Variants in PPFIA3 observed in about 807,000 individuals in gnomAD.
The protein encoded by PPFIA3 is PPFI scaffold protein A3.
In PPFIA3, 26 loss-of-function variants were observed where a neutral mutation model predicts 145.8. That is an observed-to-expected ratio of 0.18 (90% CI 0.13 to 0.25). The LOEUF is 0.25. Ranked by LOEUF, PPFIA3 falls within the 10% of genes least tolerant of loss-of-function variation. The pLI, the probability that PPFIA3 is intolerant of heterozygous loss-of-function variation, is 1.00. For missense variants in PPFIA3, 1,008 were observed against 1,587.8 expected, an observed-to-expected ratio of 0.63 and a Z score of 6.21; for synonymous variants, 645 against 661.4, an observed-to-expected ratio of 0.98 and a Z score of 0.38.
intron 16 of PPFIA3, 125 bp from the exon 17 acceptor site, chr19:49,139,543 A>G: frequency 1.1e-6 from 1 of 918,746 alleles, no homozygotes; most frequent in Non-Finnish European, 1.5e-6. Flanking sequence ...GAGCTAGACT[A>G]CCTTCGTATA....
chr19:49,133,041 C>A lies in PPFIA3; in HGVS notation c.920C>A (p.Thr307Lys). Residue 307 changes from threonine to lysine, a missense_variant, in exon 8 of 30, where the codon ACA becomes AAA. By Grantham distance (78) the Thr-to-Lys change is moderately conservative. Around this residue, in one of 11 missense-constraint regions of PPFIA3, gnomAD observed 109 missense variants for 198.1 expected, o/e 0.55. Coordinates refer to ENST00000334186, the MANE Select transcript of PPFIA3 (RefSeq NM_003660.4). This position sits in a 1 kb window ranked among gnomAD's most constrained non-coding sequence, Gnocchi z 7.2. ...GAAGATATGGAGGAGCGGATTACAA[C>A]ACTGGAGAAGCGCTACCTGAGCGCC... ...QREDMEERIT[T>K]LEKRYLSAQR... 6.2e-7 allele frequency: 1 copy of A among 1,612,886 alleles called. No homozygotes were observed. The highest frequency in any genetic ancestry group is 8.5e-7 in the Non-Finnish European group (1 of 1,179,952).
Position 49,133,514 on chromosome 19 carries a change from A to G in PPFIA3, c.1161+143A>G, listed in dbSNP as rs192084705. The G allele has an allele frequency of 1.8e-6, 2 of 1,142,746 alleles. No homozygotes were observed. Among genetic ancestry groups the G allele is most frequent in the African/African-American group, 1.6e-5 (1 of 63,520 alleles). 70.8% of individuals were successfully genotyped at this position (1,142,746 alleles called of 1,614,324 possible). A position where few individuals can be genotyped will look rare whatever the true frequency, so the allele number is the denominator to read the frequency against. On this transcript the variant is annotated intron_variant, in intron 9 of 29. Transcript: ENST00000334186. This position sits in a 1 kb window ranked among gnomAD's most constrained non-coding sequence, Gnocchi z 7.2. ...GTGGGGCCTAGGGGCTGGGAAAGGG[A>G]CAGGACTTGGAATGGGGAGGGCCTG... is the stretch of plus-strand genomic sequence containing the variant.
Position 49,129,703 on chromosome 19 carries a change from G to A in PPFIA3, c.582+249G>A, listed in dbSNP as rs551020226. Reference sequence around the variant, plus strand: ...GGTAGAACCAGGGGCTGGGGCTCAGGCTGGGACTAAGGAGGAAGTGATTGA... The same window carrying A: ...GGTAGAACCAGGGGCTGGGGCTCAGACTGGGACTAAGGAGGAAGTGATTGA... On this transcript the variant is annotated intron_variant, in intron 5 of 29. Transcript: ENST00000334186. Among the ~76,000 whole-genome samples the A allele has an allele frequency of 2.0e-5, 3 of 152,316 alleles. No individual in the cohort carries two copies. The East Asian group carries it at 5.8e-4, about 29-fold the overall frequency.
rs1024807800 is a variant in PPFIA3 at position 49,136,990 on chromosome 19, A to G, written c.1853+79A>G. 3 of 1,341,068 alleles carry G rather than the reference A, an allele frequency of 2.2e-6. No homozygotes were observed. The African/African-American group carries it at 4.4e-5, about 20-fold the overall frequency. The allele number at this position is 1,341,068 out of a possible 1,614,324, so 83.1% of individuals were successfully genotyped here. A position where few individuals can be genotyped will look rare whatever the true frequency, so the allele number is the denominator to read the frequency against. On this transcript the variant is annotated intron_variant, in intron 15 of 29. Transcript: ENST00000334186. ...GCCCTTCTGGCTCTGGAGGCCTGAA[A>G]GCCTGAGTCCGTCTCCTCTTACACC...
chr19:49,139,250 G>A (rs371175538), intron 16 of PPFIA3, among the ~76,000 whole-genome samples: 46 of 151,566 alleles, frequency 3.0e-4, no homozygotes, highest in African/African-American at 1.0e-3. Context: ...ACTTAAACCC[G>A]GGAGGCAGAG....
Position 49,120,810 on chromosome 19 carries a change from T to A in PPFIA3, c.-16+1088T>A, listed in dbSNP as rs554022338. ...GGGACCCAGGAGTTCAGACCCCAGC[T>A]TCCGTACTGCCCACCAGCTTTTACT... On this transcript the variant is annotated intron_variant, in intron 1 of 29. Transcript: ENST00000334186. This position sits in a 1 kb window ranked among gnomAD's most constrained non-coding sequence, Gnocchi z 4.6. Among the ~76,000 whole-genome samples, 5 of 152,164 alleles carry A rather than the reference T, an allele frequency of 3.3e-5. No homozygotes were observed. Among genetic ancestry groups the A allele is most frequent in the Non-Finnish European group, 5.9e-5 (4 of 68,026 alleles).
chr19:49,141,767 A>AT (rs1173581121), intron 19 of PPFIA3, among the ~76,000 whole-genome samples: 2 of 150,522 alleles, frequency 1.3e-5, no homozygotes, highest in Non-Finnish European at 3.0e-5. Flanking sequence ...TTTTTTAAAA[A>AT]TTTTTTTTGT....
Position 49,133,688 on chromosome 19 carries a change from C to T in PPFIA3, c.1162-108C>T, listed in dbSNP as rs1237056379. On this transcript the variant is annotated intron_variant, in intron 9 of 29. Coordinates refer to ENST00000334186, the MANE Select transcript of PPFIA3 (RefSeq NM_003660.4). This position sits in a 1 kb window ranked among gnomAD's most constrained non-coding sequence, Gnocchi z 7.2. ...CTGACTCAAAGGTGCAGGGGAGGAG[C>T]CTGGCGCTGTGGGGGCGGAGCCTGG... 6.6e-6 allele frequency: 8 copies of T among 1,206,742 alleles called. No individual in the cohort carries two copies. The African/African-American group carries it at 1.0e-4, about 16-fold the overall frequency. The allele number at this position is 1,206,742 out of a possible 1,614,324, so 74.8% of individuals were successfully genotyped here. A position where few individuals can be genotyped will look rare whatever the true frequency, so the allele number is the denominator to read the frequency against.
Position 49,128,214 on chromosome 19 carries a change from G to A in PPFIA3, c.240+101G>A. 2 of 1,480,534 alleles carry A rather than the reference G, an allele frequency of 1.4e-6. No individual in the cohort carries two copies. Among genetic ancestry groups the A allele is most frequent in the Admixed American group, 2.1e-5 (1 of 48,708 alleles). 91.7% of individuals were successfully genotyped at this position (1,480,534 alleles called of 1,614,324 possible). On this transcript the variant is annotated intron_variant, in intron 2 of 29. Coordinates refer to ENST00000334186, the MANE Select transcript of PPFIA3 (RefSeq NM_003660.4). This position sits in a 1 kb window ranked among gnomAD's most constrained non-coding sequence, Gnocchi z 4.1. ...TTGGCGCCTGGAAGGGAGGAGTCTGGGCGAGGCTTGCCGTTAATGGGCGGG... is the reference window on the plus strand; with the variant it reads ...TTGGCGCCTGGAAGGGAGGAGTCTGAGCGAGGCTTGCCGTTAATGGGCGGG...
rs528773407 is a variant in PPFIA3 at position 49,128,199 on chromosome 19, G to C, written c.240+86G>C. ...CGGAAGGGGCCGGGCTTGGCGCCTG[G>C]AAGGGAGGAGTCTGGGCGAGGCTTG... is the stretch of plus-strand genomic sequence containing the variant. On this transcript the variant is annotated intron_variant, in intron 2 of 29. Coordinates refer to ENST00000334186, the MANE Select transcript of PPFIA3 (RefSeq NM_003660.4). This position sits in a 1 kb window ranked among gnomAD's most constrained non-coding sequence, Gnocchi z 4.1. 6.8e-7 allele frequency: 1 copy of C among 1,471,230 alleles called. No individual in the cohort carries two copies. The highest frequency in any genetic ancestry group is 1.3e-5 in the South Asian group (1 of 75,220). The allele number at this position is 1,471,230 out of a possible 1,614,324, so 91.1% of individuals were successfully genotyped here.
At chr19:49,134,956 C>A (rs751848980) in intron 13 of PPFIA3, 41 bp downstream of exon 13, 2 of 1,500,266 alleles carry the variant, frequency 1.3e-6, no homozygotes, top group East Asian at 2.3e-5. Context: ...CATGGAGCCC[C>A]GTTGGCCAAG....
At chr19:49,129,569 G>A in intron 5 of PPFIA3, 115 bp downstream of exon 5, 2 of 1,138,810 alleles carry the variant, frequency 1.8e-6, no homozygotes, top group Middle Eastern at 2.9e-4. Flanking sequence ...GCAGGACTAG[G>A]GCAGACAAGC....
At chr19:49,127,554 G>A (rs1348885809) in intron 1 of PPFIA3, among the ~76,000 whole-genome samples, 2 of 151,666 alleles carry the variant, frequency 1.3e-5, no homozygotes, top group East Asian at 1.9e-4. Context: ...GGCCGTGATC[G>A]CGCCACTGAA....
chr19:49,131,535 A>T (rs1334309106), intron 7 of PPFIA3, among the ~76,000 whole-genome samples: 2 of 151,722 alleles, frequency 1.3e-5, no homozygotes, highest in African/African-American at 4.8e-5. Context: ...AGGCCGCTTT[A>T]TCCTAATCCC....
intron 11 of PPFIA3, 127 bp from the exon 12 acceptor site, chr19:49,134,512 A>G: frequency 1.1e-6 from 1 of 894,046 alleles, no homozygotes; most frequent in Admixed American, 1.9e-5. Context: ...CCCGAAACTC[A>G]CCACTTGTGT....
intron 22 of PPFIA3, 69 bp downstream of exon 22, chr19:49,146,074 G>A (rs911742398): frequency 3.1e-6 from 5 of 1,607,552 alleles, no homozygotes; most frequent in Non-Finnish European, 8.5e-7. Context: ...CGGGGACCGA[G>A]TCTGTGGCCA....
At chr19:49,146,252 C>T (rs2041279522) in intron 23 of PPFIA3, 60 bp downstream of exon 23, 1 of 1,580,690 alleles carries the variant, frequency 6.3e-7, no homozygotes, top group Non-Finnish European at 8.6e-7. Flanking sequence ...GCATGGATGC[C>T]CCTCCTCCGA....
intron 18 of PPFIA3, 44 bp downstream of exon 18, chr19:49,140,132 C>T (rs2041200521): frequency 6.3e-7 from 1 of 1,591,608 alleles, no homozygotes; most frequent in South Asian, 1.1e-5. Flanking sequence ...TTCCTTCCTC[C>T]CTTCCTCCCT....
chr19:49,140,115 T>A, intron 18 of PPFIA3, 27 bp downstream of exon 18: 1 of 1,609,100 alleles, frequency 6.2e-7, no homozygotes, highest in Non-Finnish European at 8.5e-7. Flanking sequence ...AACCCTTCCC[T>A]CCTTTGTTCC....
Sources: allele counts gnomAD v4.1 joint callset (sites outside exome capture counted in the v4.1 genomes callset), GRCh38; gene constraint gnomAD v4.1.1; regional missense constraint gnomAD v4.1.1; non-coding constraint Gnocchi (gnomAD v3.1); transcripts MANE v1.5; gene names NCBI Gene and HGNC (gene_info 2026-07-23, HGNC 2026-07-21).